Variants in SBNO1 observed in about 807,000 individuals in gnomAD.
SBNO1 encodes the protein protein strawberry notch homolog 1.
Under a neutral mutation model 173.6 loss-of-function variants are expected in SBNO1, and 23 were observed. That is an observed-to-expected ratio of 0.13 (90% CI 0.10 to 0.19). The LOEUF (loss-of-function observed/expected upper bound fraction) is 0.19, where lower values mean the gene tolerates loss of function less well. Ranked by LOEUF, SBNO1 falls within the 10% of genes least tolerant of loss-of-function variation. The pLI, the probability that SBNO1 is intolerant of heterozygous loss-of-function variation, is 1.00. For missense variants in SBNO1, 1,238 were observed against 1,671.2 expected, an observed-to-expected ratio of 0.74 and a Z score of 4.52; for synonymous variants, 632 against 571.5, an observed-to-expected ratio of 1.11 and a Z score of -1.51.
intron 23 of SBNO1, 39 bp downstream of exon 23, chr12:123,315,334 T>C (rs1869145993): frequency 6.8e-7 from 1 of 1,477,778 alleles, no homozygotes; most frequent in Non-Finnish European, 9.5e-7. Context: ...CACCATACAC[T>C]ATCACAAGTT....
intron 4 of SBNO1, among the ~76,000 whole-genome samples, chr12:123,341,711 A>G (rs895077411): frequency 6.6e-6 from 1 of 151,530 alleles, no homozygotes; most frequent in Non-Finnish European, 1.5e-5. Context: ...TTTTTTAAGT[A>G]AAAACGGAGT....
At chr12:123,325,201 G>C (rs906469819) in intron 15 of SBNO1, among the ~76,000 whole-genome samples, 14 of 152,166 alleles carry the variant, frequency 9.2e-5, no homozygotes, top group Admixed American at 4.6e-4. Flanking sequence ...CACTAAAACT[G>C]AATCTAAGCC....
chr12:123,327,311 T>C (rs781504900), intron 13 of SBNO1, 115 bp downstream of exon 13: 3 of 881,242 alleles, frequency 3.4e-6, no homozygotes, highest in Non-Finnish European at 3.5e-6. Context: ...GCTTCATCTG[T>C]TGTTTTATAG....
At position 123,302,838 on chromosome 12, in the gene SBNO1, A is replaced by G. The variant is rs950260358; in HGVS notation, c.3831T>C (p.Cys1277=). The G allele has an allele frequency of 5.0e-6, 8 of 1,613,122 alleles. No individual in the cohort carries two copies. The highest frequency in any genetic ancestry group is 6.8e-6 in the Non-Finnish European group (8 of 1,179,326). ...LDQYNSSADT[C]THAYWRGNCK... The stretch of plus-strand genomic sequence containing the variant: ...AAAATACTAACCAATAAGCATGAGT[A>G]CAAGTATCTGCAGATGAATTATACT... The change falls in exon 30 of 32, where the codon TGT becomes TGC. Residue 1277 remains cysteine, a synonymous_variant. Coordinates refer to ENST00000602398, the MANE Select transcript of SBNO1 (RefSeq NM_001167856.3).
At position 123,313,695 on chromosome 12, in the gene SBNO1, C is replaced by T. The variant is rs775471599; in HGVS notation, c.3145G>A (p.Val1049Ile). 3.7e-6 allele frequency: 6 copies of T among 1,607,172 alleles called. No individual in the cohort carries two copies. The highest frequency in any genetic ancestry group is 5.1e-6 in the Non-Finnish European group (6 of 1,174,586). ...TCCAAGTTTACAATGGATTTCATGACAATTTCTAAAGCATTTCTTCCATAC... is the reference window on the plus strand; with the variant it reads ...TCCAAGTTTACAATGGATTTCATGATAATTTCTAAAGCATTTCTTCCATAC... The part of the protein sequence containing the change: ...NKYGRNALEI[V>I]MKSIVNLDSP... Residue 1049 changes from valine to isoleucine, a missense_variant, in exon 24 of 32, where the codon GTC becomes ATC. Around this residue, in one of 14 missense-constraint regions of SBNO1, gnomAD observed 351 missense variants for 420.3 expected, o/e 0.84. Coordinates refer to ENST00000602398, the MANE Select transcript of SBNO1 (RefSeq NM_001167856.3).
intron 3 of SBNO1, among the ~76,000 whole-genome samples, chr12:123,345,865 G>C (rs776045002): frequency 6.6e-6 from 1 of 151,950 alleles, no homozygotes; most frequent in Middle Eastern, 3.2e-3. Flanking sequence ...GTCTCCCTAT[G>C]TTGCTCAGGT....
intron 1 of SBNO1, among the ~76,000 whole-genome samples, chr12:123,360,645 G>T (rs748992039): frequency 2.0e-5 from 3 of 151,808 alleles, no homozygotes; most frequent in Admixed American, 6.6e-5. Flanking sequence ...GGGTTTCATC[G>T]TGTTAGCCAG....
In SBNO1 at chr12:123,290,804, C is replaced by G. The variant is rs1365727501; in HGVS notation, c.*5104G>C. On this transcript the variant is annotated 3_prime_UTR_variant, in exon 32 of 32. Coordinates refer to ENST00000602398, the MANE Select transcript of SBNO1 (RefSeq NM_001167856.3). ...CCAGGCTGGAGTGCAGTGGCGCGAT[C>G]TGGGCTCACTGCAAGCTCTGCCTCC... 6.6e-6 allele frequency: 1 copy of G among 151,744 alleles called. No homozygotes were observed. The highest frequency in any genetic ancestry group is 1.5e-5 in the Non-Finnish European group (1 of 68,008). 9.4% of individuals were successfully genotyped at this position (151,744 alleles called of 1,614,324 possible). A position where few individuals can be genotyped will look rare whatever the true frequency, so the allele number is the denominator to read the frequency against.
At position 123,309,503 on chromosome 12, in the gene SBNO1, C is replaced by T. The variant is rs763269245; in HGVS notation, c.3523G>A (p.Val1175Ile). 6.8e-6 allele frequency: 11 copies of T among 1,613,040 alleles called. No individual in the cohort carries two copies. Among genetic ancestry groups the T allele is most frequent in the Admixed American group, 3.3e-5 (2 of 60,006 alleles). Residue 1175 changes from valine (V) to isoleucine (I), a missense_variant, in exon 27 of 32, where the codon GTA (valine) becomes ATA (isoleucine). This residue lies in a region of SBNO1 where 351 missense variants were observed against 420.3 expected (regional missense o/e 0.84). Coordinates refer to ENST00000602398, the MANE Select transcript of SBNO1 (RefSeq NM_001167856.3). ...LTPGYSTSGH[V>I]ELYTISVERG... ...TCTAAACTTACTGTGTATAATTCTA[C>T]GTGGCCAGAGGTTGAATATCCTGGA...
intron 15 of SBNO1, among the ~76,000 whole-genome samples, chr12:123,324,806 T>C (rs1193803886): frequency 6.6e-6 from 1 of 152,128 alleles, no homozygotes; most frequent in Non-Finnish European, 1.5e-5. Context: ...GACTTTATTT[T>C]ATTTTATTTT....
chr12:123,305,135 T>G (rs2048882605), intron 28 of SBNO1, among the ~76,000 whole-genome samples: 1 of 152,206 alleles, frequency 6.6e-6, no homozygotes, highest in Admixed American at 6.5e-5. Flanking sequence ...CAGAGAAAAT[T>G]CTTTAAGCTC....
chr12:123,324,798 CTTTAT>C (rs781498509), intron 15 of SBNO1, among the ~76,000 whole-genome samples: 181 of 152,016 alleles, frequency 1.2e-3, no homozygotes, highest in African/African-American at 3.1e-3. Flanking sequence ...TTAAAGTAGA[CTTTAT>C]TTTATTTTAT....
At chr12:123,313,945 G>A (rs1165442156) in intron 23 of SBNO1, among the ~76,000 whole-genome samples, 2 of 151,924 alleles carry the variant, frequency 1.3e-5, no homozygotes, top group East Asian at 3.9e-4. Context: ...TTAGCTGGGT[G>A]TGGTGGCAGA....
At chr12:123,310,390 T>G (rs1324797707) in intron 25 of SBNO1, among the ~76,000 whole-genome samples, 3 of 149,666 alleles carry the variant, frequency 2.0e-5, no homozygotes, top group East Asian at 4.0e-4. Flanking sequence ...CCCGCCACTA[T>G]GCCTGGATAA....
intron 28 of SBNO1, 111 bp downstream of exon 28, chr12:123,309,199 T>C (rs760799815): frequency 2.1e-4 from 161 of 766,568 alleles, no homozygotes; most frequent in Non-Finnish European, 3.1e-4. Flanking sequence ...ATTACCAAAA[T>C]AGACAAAGCT....
chr12:123,308,345 G>A (rs1337506539), intron 28 of SBNO1, among the ~76,000 whole-genome samples: 3 of 152,100 alleles, frequency 2.0e-5, no homozygotes, highest in Admixed American at 6.6e-5. Flanking sequence ...TAAGACTAAA[G>A]TAAGTCTCTG....
In SBNO1 at chr12:123,301,070, C is replaced by T. The variant is rs560492146; in HGVS notation, c.3845+1754G>A. Among the ~76,000 whole-genome samples the T allele has an allele frequency of 2.0e-4, 31 of 152,008 alleles. 1 individual carries two copies. The South Asian group carries it at 5.0e-3, about 25-fold the overall frequency. On this transcript the variant is annotated intron_variant, in intron 30 of 31. Transcript: ENST00000602398. The stretch of plus-strand genomic sequence containing the variant: ...TCATCCAGACAGGGGTGCAGTGCCA[C>T]GATCTCAGCTCACCGCAACTTTTGC...
rs372311098 is a variant in SBNO1 at position 123,332,989 on chromosome 12, C to T, written c.909+1064G>A. 1.1e-4 allele frequency among the ~76,000 whole-genome samples: 17 copies of T among 152,098 alleles called. No homozygotes were observed. In the East Asian group the frequency reaches 1.2e-3, roughly 10 times the overall value. ...AACAGAAAAAATTAGCCGGGCGTGGCGGTGGGTGCCTGTAGTCCCAGCTAC... is the reference window on the plus strand; with the variant it reads ...AACAGAAAAAATTAGCCGGGCGTGGTGGTGGGTGCCTGTAGTCCCAGCTAC... On this transcript the variant is annotated intron_variant, in intron 7 of 31. Transcript: ENST00000602398.
At chr12:123,297,617 G>A (rs1414747614) in intron 31 of SBNO1, among the ~76,000 whole-genome samples, 1 of 151,956 alleles carries the variant, frequency 6.6e-6, no homozygotes, top group African/African-American at 2.4e-5. Flanking sequence ...GCCATTCTCT[G>A]TGCACAGTGG....
Sources: gnomAD v4.1 joint callset for allele counts (sites outside exome capture counted in the v4.1 genomes callset) on GRCh38, gnomAD v4.1.1 for gene constraint, gnomAD v4.1.1 regional missense constraint, MANE v1.5 for transcripts, NCBI Gene and HGNC (gene_info 2026-07-23, HGNC 2026-07-21) for gene names.